The following CNTN5 variants were observed in gnomAD, a reference collection of about 807,000 sequenced individuals.
CNTN5 encodes the protein contactin 5.
In CNTN5, 77 loss-of-function variants were observed where a neutral mutation model predicts 129.1. The ratio of observed to expected loss-of-function variants is 0.60; its 90% CI spans 0.50 to 0.72. CNTN5 has a LOEUF of 0.72. Ranked by LOEUF, CNTN5 falls within the 30% of genes least tolerant of loss-of-function variation. The pLI is 0.00. For synonymous variants in CNTN5, 509 were observed against 465.6 expected (o/e 1.09, Z -1.20); for missense variants, 1,478 against 1,328.8 (o/e 1.11, Z -1.75).
intron 13 of CNTN5, among the ~76,000 whole-genome samples, chr11:100,076,510 G>A (rs1272427914): frequency 6.6e-6 from 1 of 151,990 alleles, no homozygotes; most frequent in Admixed American, 6.6e-5. Context: ...GAAAAATACA[G>A]TTTGTGAATT....
At chr11:100,248,345 G>A (rs1391834700) in intron 16 of CNTN5, among the ~76,000 whole-genome samples, 2 of 151,992 alleles carry the variant, frequency 1.3e-5, no homozygotes, top group Non-Finnish European at 2.9e-5. Context: ...AGGAGTTTGA[G>A]ACCACACTGG....
chr11:99,039,589 A>G (rs1863905695), intron 1 of CNTN5, among the ~76,000 whole-genome samples: 1 of 152,168 alleles, frequency 6.6e-6, no homozygotes, highest in Non-Finnish European at 1.5e-5. Context: ...TCAAACACAA[A>G]GAATGCTAGC....
Position 100,233,212 on chromosome 11 carries a change from G to A in CNTN5, c.2005+8400G>A, listed in dbSNP as rs1445866775. Among the ~76,000 whole-genome samples, 6 of 151,882 alleles carry A rather than the reference G, an allele frequency of 4.0e-5. No homozygotes were observed. In the East Asian group the frequency reaches 1.2e-3, roughly 29 times the overall value. On this transcript the variant is annotated intron_variant, in intron 16 of 24. Coordinates refer to ENST00000524871, the MANE Select transcript of CNTN5 (RefSeq NM_014361.4). ...ACCATTTAGTTTCTGATACACTATAGTTCCTGAAAAATAATACATGTTTGT... is the reference window on the plus strand; with the variant it reads ...ACCATTTAGTTTCTGATACACTATAATTCCTGAAAAATAATACATGTTTGT...
chr11:99,638,103 T>C (rs1951633763), intron 3 of CNTN5, among the ~76,000 whole-genome samples: 1 of 152,072 alleles, frequency 6.6e-6, no homozygotes, highest in Non-Finnish European at 1.5e-5. Flanking sequence ...TTAATTGGAC[T>C]TACAGTTCCA....
intron 3 of CNTN5, among the ~76,000 whole-genome samples, chr11:99,568,747 C>A (rs1188639942): frequency 6.6e-6 from 1 of 152,120 alleles, no homozygotes; most frequent in Non-Finnish European, 1.5e-5. Context: ...TAACTAATTA[C>A]AAGAATGAGT....
intron 13 of CNTN5, among the ~76,000 whole-genome samples, chr11:100,121,891 T>C (rs973132998): frequency 6.6e-6 from 1 of 151,900 alleles, no homozygotes; most frequent in South Asian, 2.1e-4. Context: ...ATTACAATTT[T>C]AAAAAAAGAT....
intron 3 of CNTN5, among the ~76,000 whole-genome samples, chr11:99,630,686 TTCTC>T (rs1422947472): frequency 6.6e-6 from 1 of 152,160 alleles, no homozygotes; most frequent in Non-Finnish European, 1.5e-5. Flanking sequence ...CTTCAACACA[TTCTC>T]TGTCCGGGGT....
At chr11:100,108,765 G>A (rs78929577) in intron 13 of CNTN5, among the ~76,000 whole-genome samples, 2,526 of 149,990 alleles carry the variant, frequency 0.017, 63 homozygotes, top group African/African-American at 0.057. Context: ...GACAGAGATC[G>A]CAACTACTCT....
At chr11:99,026,063 T>C (rs1312171253) in intron 1 of CNTN5, among the ~76,000 whole-genome samples, 3 of 151,624 alleles carry the variant, frequency 2.0e-5, no homozygotes, top group Admixed American at 2.0e-4. Context: ...TTAAAAGTAA[T>C]ATTATTGGAA....
chr11:99,792,538 G>GGTGTGTGTGTGTGTGTGT (rs111267307), intron 3 of CNTN5, among the ~76,000 whole-genome samples: 23 of 127,824 alleles, frequency 1.8e-4, no homozygotes, highest in Admixed American at 4.0e-4. Flanking sequence ...CCTGAAGAGG[G>GGTGTGTGTGTGTGTGTGT]GTGTGTGTGT....
At chr11:99,468,328 A>G (rs1266574395) in intron 2 of CNTN5, among the ~76,000 whole-genome samples, 1 of 152,192 alleles carries the variant, frequency 6.6e-6, no homozygotes, top group Non-Finnish European at 1.5e-5. Context: ...GAACCAATGG[A>G]GTATATAGCA....
At chr11:99,521,844 A>C (rs1276897908) in intron 2 of CNTN5, among the ~76,000 whole-genome samples, 3 of 152,208 alleles carry the variant, frequency 2.0e-5, no homozygotes, top group Non-Finnish European at 4.4e-5. Context: ...TCATTCAAAC[A>C]TGTTTCTCTA....
chr11:100,247,284 C>T (rs1334111350), intron 16 of CNTN5, among the ~76,000 whole-genome samples: 1 of 152,106 alleles, frequency 6.6e-6, no homozygotes, highest in East Asian at 1.9e-4. Context: ...ATGATGGTAA[C>T]AGATGAATAG....
At chr11:99,922,229 A>T (rs1949957063) in intron 7 of CNTN5, among the ~76,000 whole-genome samples, 1 of 152,192 alleles carries the variant, frequency 6.6e-6, no homozygotes, top group South Asian at 2.1e-4. Context: ...AAGCCACCAG[A>T]TCTTGTGAGA....
intron 1 of CNTN5, among the ~76,000 whole-genome samples, chr11:99,121,133 TTC>T (rs1218243834): frequency 0.031 from 3,913 of 125,476 alleles, 154 homozygotes; most frequent in African/African-American, 0.098. Flanking sequence ...CTTTCTTTCT[TTC>T]TTTTTTTTTT....
intron 1 of CNTN5, among the ~76,000 whole-genome samples, chr11:99,152,461 C>G (rs753808949): frequency 6.6e-6 from 1 of 152,136 alleles, no homozygotes; most frequent in Non-Finnish European, 1.5e-5. Flanking sequence ...ATTGGAATAG[C>G]AACTTCTGCT....
intron 8 of CNTN5, among the ~76,000 whole-genome samples, chr11:99,988,024 C>G (rs1377489267): frequency 6.6e-6 from 1 of 152,158 alleles, no homozygotes; most frequent in Non-Finnish European, 1.5e-5. Context: ...ACAAAAATCC[C>G]TGTGATGAAG....
intron 6 of CNTN5, among the ~76,000 whole-genome samples, chr11:99,904,025 G>A (rs1375026499): frequency 2.0e-5 from 3 of 152,128 alleles, no homozygotes; most frequent in African/African-American, 7.2e-5. Context: ...TGCTGGTGAG[G>A]ATGTAGAGAA....
At chr11:99,429,844 C>T (rs889085933) in intron 2 of CNTN5, among the ~76,000 whole-genome samples, 2 of 151,882 alleles carry the variant, frequency 1.3e-5, no homozygotes, top group African/African-American at 2.4e-5. Context: ...GAGTAGCCCC[C>T]GCCCCCATAG....
Sources: gnomAD v4.1 joint callset for allele counts (sites outside exome capture counted in the v4.1 genomes callset) on GRCh38, gnomAD v4.1.1 for gene constraint, MANE v1.5 for transcripts, NCBI Gene and HGNC (gene_info 2026-07-23, HGNC 2026-07-21) for gene names.